Variants in PAG1 observed in about 807,000 individuals in gnomAD.
The protein encoded by PAG1 is phosphoprotein membrane anchor with glycosphingolipid microdomains 1.
PAG1 carries 23 observed loss-of-function variants against 31.7 expected under a neutral mutation model. That is an observed-to-expected ratio of 0.73 (90% CI 0.52 to 1.03). PAG1 has a LOEUF of 1.03. Among genes scored for constraint, PAG1 ranks in the 50% least tolerant of loss-of-function variants. The pLI, the probability that PAG1 is intolerant of heterozygous loss-of-function variation, is 0.00. For synonymous variants in PAG1, 214 were observed against 210.3 expected (o/e 1.02, Z -0.15); for missense variants, 473 against 540.7 (o/e 0.87, Z 1.24).
At chr8:81,028,339 C>T (rs974719063) in intron 3 of PAG1, among the ~76,000 whole-genome samples, 4 of 152,238 alleles carry the variant, frequency 2.6e-5, no homozygotes, top group African/African-American at 4.8e-5. Context: ...CAATGCACAT[C>T]TTTAAATGCG....
chr8:81,001,724 A>C (rs925558825), intron 3 of PAG1, among the ~76,000 whole-genome samples: 3 of 152,126 alleles, frequency 2.0e-5, no homozygotes, highest in African/African-American at 7.2e-5. Context: ...ATGTTATTGA[A>C]TCGATTCTAT....
At chr8:81,096,358 T>C (rs1809528151) in intron 1 of PAG1, among the ~76,000 whole-genome samples, 1 of 152,026 alleles carries the variant, frequency 6.6e-6, no homozygotes, top group Admixed American at 6.5e-5. Context: ...GATCACTTTA[T>C]AAAAAAGGCT....
intron 1 of PAG1, among the ~76,000 whole-genome samples, chr8:81,103,297 T>C (rs1809638674): frequency 6.6e-6 from 1 of 152,010 alleles, no homozygotes; most frequent in Non-Finnish European, 1.5e-5. Flanking sequence ...ATAAAGAAAA[T>C]CTCTTAAACA....
At chr8:81,032,421 A>T (rs922997284) in intron 2 of PAG1, among the ~76,000 whole-genome samples, 1 of 152,214 alleles carries the variant, frequency 6.6e-6, no homozygotes, top group Non-Finnish European at 1.5e-5. Flanking sequence ...TTCTCCAAAA[A>T]AGATACACAA....
chr8:81,047,209 C>T (rs1808656201), intron 2 of PAG1, among the ~76,000 whole-genome samples: 1 of 152,160 alleles, frequency 6.6e-6, no homozygotes, highest in Admixed American at 6.5e-5. Context: ...GGTATATACC[C>T]AGTAATGGGG....
intron 2 of PAG1, among the ~76,000 whole-genome samples, chr8:81,060,561 T>C (rs968047339): frequency 3.3e-5 from 5 of 152,220 alleles, no homozygotes; most frequent in African/African-American, 1.2e-4. Flanking sequence ...TAAATTTCTC[T>C]CAGGGATTAG....
At chr8:81,087,945 T>C (rs995127629) in intron 1 of PAG1, among the ~76,000 whole-genome samples, 1 of 152,156 alleles carries the variant, frequency 6.6e-6, no homozygotes, top group Admixed American at 6.5e-5. Flanking sequence ...TAAATACATA[T>C]CAAAGATCAG....
intron 2 of PAG1, among the ~76,000 whole-genome samples, chr8:81,037,755 C>T (rs1808484592): frequency 6.6e-6 from 1 of 152,232 alleles, no homozygotes; most frequent in Non-Finnish European, 1.5e-5. Context: ...ATAGCCAGCA[C>T]AACTACAGAG....
intron 2 of PAG1, among the ~76,000 whole-genome samples, chr8:81,041,171 G>A (rs1182723269): frequency 6.6e-6 from 1 of 152,002 alleles, no homozygotes; most frequent in Non-Finnish European, 1.5e-5. Flanking sequence ...AAATATAGGA[G>A]CAGCCTCCAC....
intron 2 of PAG1, among the ~76,000 whole-genome samples, chr8:81,045,005 T>G (rs1246732087): frequency 6.6e-6 from 1 of 152,144 alleles, no homozygotes; most frequent in African/African-American, 2.4e-5. Flanking sequence ...CACTTGCTTG[T>G]TTATGCATAC....
chr8:81,001,613 A>G (rs1234205522), intron 3 of PAG1, among the ~76,000 whole-genome samples: 1 of 152,124 alleles, frequency 6.6e-6, no homozygotes, highest in East Asian at 1.9e-4. Flanking sequence ...CATAGGCTTG[A>G]CATAAAAAGC....
rs115124859 is a variant in PAG1, at chr8:80,982,840, G to C, written c.876+1936C>G. Among the ~76,000 whole-genome samples, 932 of 152,210 alleles carry C rather than the reference G, an allele frequency of 6.1e-3. 9 individuals carry two copies. Among genetic ancestry groups the C allele is most frequent in the African/African-American group, 0.021 (859 of 41,516 alleles). On this transcript the variant is annotated intron_variant, in intron 7 of 8. Transcript: ENST00000220597. ...GTAGGATCCATCCGCAAATCTCTTG[G>C]CTCTGGCTTAGCTTTTCTCATCACC...
At position 80,981,862 on chromosome 8, in the gene PAG1, C is replaced by CCTTTTTTT. The variant is rs1554598378; in HGVS notation, c.877-1369_877-1368insAAAAAAAG. Among the ~76,000 whole-genome samples, 94 of 103,436 alleles carry CCTTTTTTT rather than the reference C, an allele frequency of 9.1e-4. 1 individual carries two copies. Among genetic ancestry groups the CCTTTTTTT allele is most frequent in the African/African-American group, 3.8e-3 (77 of 20,018 alleles). The allele number at this position is 103,436 out of a possible 152,430, so 67.9% of individuals were successfully genotyped here. On this transcript the variant is annotated intron_variant, in intron 7 of 8. Transcript: ENST00000220597. ...TTCTACCTACTCATTATCTCACTTC[C>CCTTTTTTT]TTTTTTTTTTTTTTTTTTTTTTTGA...
At chr8:80,999,987 C>T (rs898028146) in intron 3 of PAG1, among the ~76,000 whole-genome samples, 1 of 152,146 alleles carries the variant, frequency 6.6e-6, no homozygotes, top group Non-Finnish European at 1.5e-5. Context: ...TGACAGAACC[C>T]TGAGATGCGC....
intron 3 of PAG1, chr8:81,029,720 A>G (rs1463387204): frequency 6.6e-6 from 1 of 152,210 alleles, no homozygotes; most frequent in Non-Finnish European, 1.5e-5. Flanking sequence ...ACACGAAGAA[A>G]AAAGGCCAGC....
chr8:81,019,196 G>C (rs1383876866), intron 3 of PAG1, among the ~76,000 whole-genome samples: 1 of 152,198 alleles, frequency 6.6e-6, no homozygotes, highest in Admixed American at 6.5e-5. Context: ...AAGCATTCAA[G>C]AGGAAGCAGA....
intron 2 of PAG1, among the ~76,000 whole-genome samples, chr8:81,033,059 A>G (rs1269297702): frequency 6.6e-6 from 1 of 152,194 alleles, no homozygotes; most frequent in Non-Finnish European, 1.5e-5. Context: ...GGGCTAGGGG[A>G]GAAGGGGTGA....
At chr8:81,067,786 A>C (rs1809030989) in intron 2 of PAG1, 1 of 152,264 alleles carries the variant, frequency 6.6e-6, no homozygotes, top group Non-Finnish European at 1.5e-5. Context: ...TGAATTAAAA[A>C]TGAATCCCAT....
chr8:81,061,810 T>C (rs1357833575), intron 2 of PAG1, among the ~76,000 whole-genome samples: 1 of 152,152 alleles, frequency 6.6e-6, no homozygotes, highest in Non-Finnish European at 1.5e-5. Flanking sequence ...CCATGGATGC[T>C]TGGGGAAGTC....
Sources: allele counts gnomAD v4.1 joint callset (sites outside exome capture counted in the v4.1 genomes callset), GRCh38; gene constraint gnomAD v4.1.1; transcripts MANE v1.5; gene names NCBI Gene and HGNC (gene_info 2026-07-23, HGNC 2026-07-21).